COG6: variants seen among roughly 807,000 people sequenced by gnomAD.
The protein encoded by COG6 is component of oligomeric golgi complex 6.
Under a neutral mutation model 88.8 loss-of-function variants are expected in COG6, and 74 were observed. That is an observed-to-expected ratio of 0.83 (90% CI 0.69 to 1.01). The LOEUF is 1.01. COG6 is among the 50% of genes least tolerant of loss of function. COG6 has a pLI of 0.00. For synonymous variants in COG6, 286 were observed against 278.7 expected (o/e 1.03, Z -0.26); for missense variants, 800 against 797.9 (o/e 1.00, Z -0.03).
chr13:39,682,296 G>A (rs745547652), intron 8 of COG6, 32 bp downstream of exon 8: 13 of 1,323,930 alleles, frequency 9.8e-6, no homozygotes, highest in Admixed American at 1.7e-5. Context: ...AAAAATGAAA[G>A]CCTACTTTTC....
chr13:39,694,576 A>C, intron 11 of COG6, 58 bp from the exon 12 acceptor site: 1 of 1,044,278 alleles, frequency 9.6e-7, no homozygotes, highest in East Asian at 2.4e-5. Context: ...ATATGTTATT[A>C]ATGAAAAAAA....
intron 13 of COG6, among the ~76,000 whole-genome samples, chr13:39,714,869 T>A (rs1449187251): frequency 6.6e-6 from 1 of 152,190 alleles, no homozygotes; most frequent in Non-Finnish European, 1.5e-5. Flanking sequence ...CCAGCCTAAG[T>A]GCCCATCAAC....
intron 18 of COG6, among the ~76,000 whole-genome samples, chr13:39,732,598 G>A (rs1879512600): frequency 6.6e-6 from 1 of 152,178 alleles, no homozygotes; most frequent in Admixed American, 6.5e-5. Context: ...ATTCAGAGAT[G>A]CAGTATATAA....
At chr13:39,745,620 A>G (rs1880299876) in intron 18 of COG6, among the ~76,000 whole-genome samples, 3 of 152,194 alleles carry the variant, frequency 2.0e-5, no homozygotes, top group Admixed American at 1.3e-4. Context: ...AGAAATAGGA[A>G]TGCTTTTTCA....
intron 18 of COG6, among the ~76,000 whole-genome samples, chr13:39,782,146 A>C (rs1320672684): frequency 1.3e-5 from 2 of 152,222 alleles, no homozygotes; most frequent in African/African-American, 4.8e-5. Context: ...AAAGCCTAGG[A>C]ATCATCAGAT....
intron 18 of COG6, among the ~76,000 whole-genome samples, chr13:39,762,551 T>G (rs1466773078): frequency 6.6e-6 from 1 of 151,794 alleles, no homozygotes; most frequent in Non-Finnish European, 1.5e-5. Context: ...ACATTTGAGG[T>G]GATGGACATG....
rs1298525902 is a variant in COG6 at position 39,663,949 on chromosome 13, T to TA, written c.370-1141dup. 6 of 153,178 alleles carry TA rather than the reference T, an allele frequency of 3.9e-5. No individual in the cohort carries two copies. In the East Asian group the frequency reaches 5.8e-4, roughly 15 times the overall value. The allele number at this position is 153,178 out of a possible 1,614,324, so 9.5% of individuals were successfully genotyped here. ...ATTATCTAGGTTCAAATTGTTTTCT[T>TA]AAAAAATCTATTTCCTGGGAACATA... On this transcript the variant is annotated intron_variant, in intron 3 of 18. Coordinates refer to ENST00000455146, the MANE Select transcript of COG6 (RefSeq NM_020751.3).
At chr13:39,723,252 T>A in intron 15 of COG6, 81 bp from the exon 16 acceptor site, 1 of 818,520 alleles carries the variant, frequency 1.2e-6, no homozygotes, top group South Asian at 1.4e-5. Context: ...TGCCTCATCA[T>A]CAGTGCCAAT....
Position 39,723,459 on chromosome 13 carries a change from C to G in COG6, c.1692+19C>G, listed in dbSNP as rs200316624. On this transcript the variant is annotated intron_variant, in intron 16 of 18. Coordinates refer to ENST00000455146, the MANE Select transcript of COG6 (RefSeq NM_020751.3). ...TGAACAGGTAAGTGCATAGATGTTC[C>G]TTCCTAATTCTAAGAACATGCCAGT... The G allele has an allele frequency of 7.4e-7, 1 of 1,352,522 alleles. No individual in the cohort carries two copies. The highest frequency in any genetic ancestry group is 1.4e-5 in the African/African-American group (1 of 69,854). The allele number at this position is 1,352,522 out of a possible 1,614,324, so 83.8% of individuals were successfully genotyped here.
At chr13:39,735,582 C>T (rs1333373391) in intron 18 of COG6, among the ~76,000 whole-genome samples, 2 of 152,048 alleles carry the variant, frequency 1.3e-5, no homozygotes, top group African/African-American at 2.4e-5. Context: ...TTCTGTGTAC[C>T]TAGTATTACC....
chr13:39,697,472 C>T (rs545747039), intron 12 of COG6, among the ~76,000 whole-genome samples: 2 of 152,034 alleles, frequency 1.3e-5, no homozygotes, highest in South Asian at 2.1e-4. Context: ...AACAGGGACT[C>T]GAGCATGCTT....
chr13:39,733,939 C>T (rs116015122), intron 18 of COG6, among the ~76,000 whole-genome samples: 3 of 152,016 alleles, frequency 2.0e-5, no homozygotes, highest in Non-Finnish European at 4.4e-5. Context: ...CTATAATGAG[C>T]CTTTGAATTT....
chr13:39,779,454 TC>T (rs1202980243), intron 18 of COG6, among the ~76,000 whole-genome samples: 1 of 152,220 alleles, frequency 6.6e-6, no homozygotes, highest in Non-Finnish European at 1.5e-5. Flanking sequence ...AGGCTGCAGA[TC>T]CAGGACAGGC....
chr13:39,663,105 G>T (rs1386686410), intron 3 of COG6, among the ~76,000 whole-genome samples: 1 of 151,010 alleles, frequency 6.6e-6, no homozygotes, highest in Non-Finnish European at 1.5e-5. Flanking sequence ...CATGCATTTA[G>T]ATGCATATGT....
At chr13:39,659,343 C>T (rs1874741271) in intron 1 of COG6, 21 bp from the exon 2 acceptor site, 1 of 1,608,978 alleles carries the variant, frequency 6.2e-7, no homozygotes, top group East Asian at 2.2e-5. Flanking sequence ...CAGTAACTGT[C>T]TTCTGTTACC....
At chr13:39,663,410 A>C (rs146905944) in intron 3 of COG6, among the ~76,000 whole-genome samples, 48 of 152,328 alleles carry the variant, frequency 3.2e-4, no homozygotes, top group Admixed American at 7.2e-4. Flanking sequence ...TCTTTTTTTC[A>C]GAAATATTAA....
chr13:39,780,442 AATGTCTGGGGTGAAGTAATTT>A (rs2138187380), intron 18 of COG6, among the ~76,000 whole-genome samples: 1 of 152,322 alleles, frequency 6.6e-6, no homozygotes, highest in South Asian at 2.1e-4. Context: ...ATTCAAAGAC[AATGTCTGGGGTGAAGTAATTT>A]ATTAATTTAT....
At chr13:39,723,036 CTGT>C (rs1378589940) in intron 15 of COG6, among the ~76,000 whole-genome samples, 1 of 152,044 alleles carries the variant, frequency 6.6e-6, no homozygotes, top group Non-Finnish European at 1.5e-5. Context: ...TTATTTTATA[CTGT>C]TGTTGTTTAC....
At chr13:39,783,778 A>G (rs1881697459) in intron 18 of COG6, among the ~76,000 whole-genome samples, 1 of 152,174 alleles carries the variant, frequency 6.6e-6, no homozygotes, top group Non-Finnish European at 1.5e-5. Context: ...TCATTTATCT[A>G]TAGGCAGCTC....
Sources: allele counts gnomAD v4.1 joint callset (sites outside exome capture counted in the v4.1 genomes callset), GRCh38; gene constraint gnomAD v4.1.1; transcripts MANE v1.5; gene names NCBI Gene and HGNC (gene_info 2026-07-23, HGNC 2026-07-21).